Variants in COL23A1 observed in about 807,000 individuals in gnomAD.
The protein encoded by COL23A1 is collagen alpha-1(XXIII) chain.
COL23A1 carries 97 observed loss-of-function variants against 99.3 expected under a neutral mutation model. The observed-to-expected ratio is 0.98, with a 90% CI of 0.83 to 1.16. The LOEUF (loss-of-function observed/expected upper bound fraction) is 1.16. Among genes scored for constraint, COL23A1 ranks in the 50% most tolerant of loss-of-function variants. COL23A1 has a pLI of 0.00. For synonymous variants in COL23A1, 320 were observed against 308.2 expected, an observed-to-expected ratio of 1.04 and a Z score of -0.40; for missense variants, 762 against 757.4, an observed-to-expected ratio of 1.01 and a Z score of -0.07.
intron 2 of COL23A1, among the ~76,000 whole-genome samples, chr5:178,541,952 C>T (rs918042165): frequency 6.6e-6 from 1 of 152,176 alleles, no homozygotes; most frequent in Admixed American, 6.5e-5. Flanking sequence ...TGGCCAGGTG[C>T]TGTTTCTTGG....
intron 2 of COL23A1, among the ~76,000 whole-genome samples, chr5:178,461,368 A>C (rs1369269854): frequency 2.6e-5 from 4 of 152,222 alleles, no homozygotes; most frequent in African/African-American, 7.2e-5. Flanking sequence ...GGAGCTGAGT[A>C]GAGTCAGGCC....
intron 2 of COL23A1, among the ~76,000 whole-genome samples, chr5:178,329,886 G>A (rs1398852301): frequency 6.6e-6 from 1 of 151,416 alleles, no homozygotes; most frequent in Non-Finnish European, 1.5e-5. Flanking sequence ...GCAGTGAGCC[G>A]AGATTGCGCC....
At chr5:178,405,101 C>T (rs930971364) in intron 2 of COL23A1, among the ~76,000 whole-genome samples, 7 of 152,228 alleles carry the variant, frequency 4.6e-5, no homozygotes, top group South Asian at 2.1e-4. Flanking sequence ...CTCTACCTCC[C>T]GCATTCGCAC....
chr5:178,367,878 G>A (rs1762575818), intron 2 of COL23A1, among the ~76,000 whole-genome samples: 1 of 152,268 alleles, frequency 6.6e-6, no homozygotes, highest in African/African-American at 2.4e-5. Context: ...GTCAGGCGCT[G>A]TGGAGAGTGG....
At chr5:178,268,623 G>A (rs1756042264) in intron 7 of COL23A1, 107 bp downstream of exon 7, 1 of 1,078,736 alleles carries the variant, frequency 9.3e-7, no homozygotes, top group Admixed American at 2.5e-5. Flanking sequence ...GAGGCTCTAG[G>A]AGGGGCTGTG....
intron 2 of COL23A1, among the ~76,000 whole-genome samples, chr5:178,327,559 T>C (rs999039693): frequency 2.6e-5 from 4 of 152,134 alleles, no homozygotes; most frequent in Non-Finnish European, 5.9e-5. Flanking sequence ...TAGTGATTCC[T>C]ACAGCAGTCC....
At chr5:178,364,249 G>C (rs1422694612) in intron 2 of COL23A1, among the ~76,000 whole-genome samples, 1 of 152,178 alleles carries the variant, frequency 6.6e-6, no homozygotes, top group Non-Finnish European at 1.5e-5. Context: ...TGAGAAGAAA[G>C]CTCCACACAT....
At chr5:178,288,958 T>C (rs955359648) in intron 4 of COL23A1, among the ~76,000 whole-genome samples, 8 of 152,210 alleles carry the variant, frequency 5.3e-5, no homozygotes, top group Non-Finnish European at 1.2e-4. Context: ...TCATTTACTA[T>C]TTTAACTGCC....
chr5:178,323,335 A>C (rs1351510957), intron 2 of COL23A1, among the ~76,000 whole-genome samples: 1 of 152,020 alleles, frequency 6.6e-6, no homozygotes, highest in East Asian at 1.9e-4. Flanking sequence ...CCCTGTGGTA[A>C]CTGATCTCCC....
At chr5:178,350,061 G>A (rs964797812) in intron 2 of COL23A1, among the ~76,000 whole-genome samples, 1 of 152,216 alleles carries the variant, frequency 6.6e-6, no homozygotes, top group Admixed American at 6.5e-5. Context: ...CCTAAAACCA[G>A]GTTACAATGC....
At position 178,513,090 on chromosome 5, in the gene COL23A1, G is replaced by GCTC. The variant is rs1179556900; in HGVS notation, c.361+47591_361+47592insGAG. ...AACAGCATGCATGAGAGAGCAGATGGAGAGGAGGAAGGCTGGATGTTCCTG... is the reference window on the plus strand; with the variant it reads ...AACAGCATGCATGAGAGAGCAGATGGCTCAGAGGAGGAAGGCTGGATGTTCCTG... On this transcript the variant is annotated intron_variant, in intron 2 of 28. Transcript: ENST00000390654. 7.7e-4 allele frequency among the ~76,000 whole-genome samples: 117 copies of GCTC among 152,332 alleles called. 1 individual carries two copies. Among genetic ancestry groups the GCTC allele is most frequent in the African/African-American group, 2.7e-3 (112 of 41,580 alleles).
chr5:178,377,213 A>G (rs1763118455), intron 2 of COL23A1, among the ~76,000 whole-genome samples: 1 of 152,166 alleles, frequency 6.6e-6, no homozygotes, highest in Non-Finnish European at 1.5e-5. Context: ...CGTAATTCCA[A>G]CAGATCTTCT....
chr5:178,574,266 GA>G (rs1763242317), intron 1 of COL23A1, among the ~76,000 whole-genome samples: 1 of 152,182 alleles, frequency 6.6e-6, no homozygotes, highest in African/African-American at 2.4e-5. Flanking sequence ...GGGGCATAGG[GA>G]ATTTTCTGAG....
At chr5:178,361,613 C>G (rs998308208) in intron 2 of COL23A1, among the ~76,000 whole-genome samples, 27 of 152,080 alleles carry the variant, frequency 1.8e-4, no homozygotes, top group African/African-American at 4.8e-4. Flanking sequence ...CTACAGGACT[C>G]ATGTTTTCCT....
At chr5:178,292,846 G>A (rs2973779) in intron 3 of COL23A1, among the ~76,000 whole-genome samples, 94,433 of 151,754 alleles carry the variant, frequency 0.62, 29,955 homozygotes, top group Non-Finnish European at 0.69. Context: ...GGCACACGTG[G>A]CACTGCTGCA....
chr5:178,390,273 C>T (rs1224553071), intron 2 of COL23A1, among the ~76,000 whole-genome samples: 1 of 152,220 alleles, frequency 6.6e-6, no homozygotes, highest in Non-Finnish European at 1.5e-5. Context: ...CAGGCATACA[C>T]TGAGACTGTC....
intron 2 of COL23A1, among the ~76,000 whole-genome samples, chr5:178,444,967 G>A (rs1355644383): frequency 1.3e-5 from 2 of 152,074 alleles, no homozygotes; most frequent in Non-Finnish European, 2.9e-5. Flanking sequence ...AAAGTCTCTG[G>A]TACATCACGT....
chr5:178,489,554 A>G (rs1030445639), intron 2 of COL23A1, among the ~76,000 whole-genome samples: 1 of 84,384 alleles, frequency 1.2e-5, no homozygotes, highest in South Asian at 4.0e-4. Context: ...GAGCACCCAG[A>G]CAACTACAGC....
intron 2 of COL23A1, among the ~76,000 whole-genome samples, chr5:178,399,227 C>CCCCT (rs947376696): frequency 2.0e-5 from 3 of 152,228 alleles, no homozygotes; most frequent in Admixed American, 6.5e-5. Flanking sequence ...CCTTCTGCTG[C>CCCCT]CCCTCCCTCC....
Sources: allele counts gnomAD v4.1 joint callset (sites outside exome capture counted in the v4.1 genomes callset), GRCh38; gene constraint gnomAD v4.1.1; transcripts MANE v1.5; gene names NCBI Gene and HGNC (gene_info 2026-07-23, HGNC 2026-07-21).